Variants in SLC18A2 observed in about 807,000 individuals in gnomAD.
The protein encoded by SLC18A2 is solute carrier family 18 member A2.
Under a neutral mutation model 59.2 loss-of-function variants are expected in SLC18A2, and 33 were observed. The ratio of observed to expected loss-of-function variants is 0.56; its 90% CI spans 0.42 to 0.75. The LOEUF (loss-of-function observed/expected upper bound fraction) is 0.75. Ranked by LOEUF, SLC18A2 falls within the 30% of genes least tolerant of loss-of-function variation. The probability of loss-of-function intolerance (pLI) is 0.00; values close to 1 mark genes in which losing one functional copy is unlikely to be tolerated. For synonymous variants in SLC18A2, 228 were observed against 253.5 expected, an observed-to-expected ratio of 0.90 and a Z score of 0.95; for missense variants, 569 against 668.6, an observed-to-expected ratio of 0.85 and a Z score of 1.64.
chr10:117,263,037 A>G (rs1589982824), intron 10 of SLC18A2, among the ~76,000 whole-genome samples: 1 of 152,176 alleles, frequency 6.6e-6, no homozygotes, highest in African/African-American at 2.4e-5. Context: ...GGGGCCTATC[A>G]CCGGCGCCAG....
Position 117,244,255 on chromosome 10 carries a change from G to T in SLC18A2, c.406G>T (p.Ala136Ser), listed in dbSNP as rs1844086968. ...AAACGTGCAAGTTGGTCTGTTGTTT[G>T]CCTCGAAAGCCACCGTCCAGCTCAT... The part of the protein sequence containing the change: ...NENVQVGLLF[A>S]SKATVQLITN... Residue 136 changes from alanine (A) to serine (S), a missense_variant, in exon 3 of 16, where the codon GCC becomes TCC. By Grantham distance (99) the Ala-to-Ser change is moderately conservative. Coordinates refer to ENST00000644641, the MANE Select transcript of SLC18A2 (RefSeq NM_003054.6). The T allele has an allele frequency of 3.1e-6, 5 of 1,614,228 alleles. No individual in the cohort carries two copies. The highest frequency in any genetic ancestry group is 3.3e-4 in the Middle Eastern group (2 of 6,060).
At chr10:117,273,962 T>A (rs1844455620) in intron 15 of SLC18A2, among the ~76,000 whole-genome samples, 1 of 152,254 alleles carries the variant, frequency 6.6e-6, no homozygotes, top group Admixed American at 6.5e-5. Flanking sequence ...CCTCTCCTAT[T>A]GATTTTCTCT....
Position 117,241,752 on chromosome 10 carries a change from A to G in SLC18A2, c.59A>G (p.Lys20Arg). ...RWLQESRRSRKLILFIVFLAL... is the reference protein window; with the variant it reads ...RWLQESRRSRRLILFIVFLAL... ...CTGCAGGAGAGCCGCCGCTCGCGGAAGCTCATCCTGTTCATCGTGTTCCTG... is the reference window on the plus strand; with the variant it reads ...CTGCAGGAGAGCCGCCGCTCGCGGAGGCTCATCCTGTTCATCGTGTTCCTG... The change falls in exon 2 of 16, where the codon AAG becomes AGG. Residue 20 changes from lysine to arginine, a missense_variant. Physicochemically the swap from Lys to Arg is conservative, Grantham distance 26. Coordinates refer to ENST00000644641, the MANE Select transcript of SLC18A2 (RefSeq NM_003054.6). The G allele has an allele frequency of 6.2e-7, 1 of 1,611,152 alleles. No individual in the cohort carries two copies. Among genetic ancestry groups the G allele is most frequent in the South Asian group, 1.1e-5 (1 of 90,904 alleles).
intron 15 of SLC18A2, among the ~76,000 whole-genome samples, chr10:117,276,613 C>CAAAAAAAAAAAAAA (rs1161850365): frequency 4.3e-5 from 2 of 46,688 alleles, no homozygotes; most frequent in Admixed American, 3.0e-4. Context: ...GACTTCATCT[C>CAAAAAAAAAAAAAA]AAAAAAAAAA....
At chr10:117,263,159 C>T (rs541559621) in intron 10 of SLC18A2, among the ~76,000 whole-genome samples, 4 of 152,200 alleles carry the variant, frequency 2.6e-5, no homozygotes, top group African/African-American at 2.4e-5. Context: ...CTACCTGCCT[C>T]CTGTGTCAGC....
chr10:117,247,137 A>G (rs1427340142), intron 3 of SLC18A2, among the ~76,000 whole-genome samples: 2 of 152,212 alleles, frequency 1.3e-5, no homozygotes, highest in East Asian at 3.9e-4. Context: ...AATTGTCTTC[A>G]AGGAGTTAAC....
intron 4 of SLC18A2, 39 bp downstream of exon 4, chr10:117,253,496 T>C (rs1362457657): frequency 2.1e-6 from 3 of 1,449,184 alleles, no homozygotes; most frequent in Non-Finnish European, 2.8e-6. Context: ...GTGGGTCTCA[T>C]CAGGGTGGGC....
chr10:117,261,225 A>AAAACAAAACAAAAC (rs71301596), intron 10 of SLC18A2, among the ~76,000 whole-genome samples: 13,499 of 150,870 alleles, frequency 0.089, 800 homozygotes, highest in Non-Finnish European at 0.13. Context: ...CAAAACAAAA[A>AAAACAAAACAAAAC]ACCCAAAAAC....
Position 117,273,602 on chromosome 10 carries a change from A to G in SLC18A2, c.1440+3139A>G, listed in dbSNP as rs141763061. ...GATGGGGTGGCCCGAGGCTGCTGAG[A>G]TAGACCACATTCTGCATATTCTAAG... On this transcript the variant is annotated intron_variant, in intron 15 of 15. Coordinates refer to ENST00000644641, the MANE Select transcript of SLC18A2 (RefSeq NM_003054.6). Among the ~76,000 whole-genome samples, 446 of 152,286 alleles carry G rather than the reference A, an allele frequency of 2.9e-3. 3 individuals are homozygous for G. Among genetic ancestry groups the G allele is most frequent in the African/African-American group, 0.01 (419 of 41,566 alleles).
At chr10:117,276,751 G>A (rs1183687734) in intron 15 of SLC18A2, among the ~76,000 whole-genome samples, 1 of 151,986 alleles carries the variant, frequency 6.6e-6, no homozygotes, top group Admixed American at 6.6e-5. Context: ...TCTCATTAAG[G>A]AGAGAGCACA....
chr10:117,276,752 A>G (rs1014789809), intron 15 of SLC18A2, among the ~76,000 whole-genome samples: 2 of 151,932 alleles, frequency 1.3e-5, no homozygotes, highest in African/African-American at 4.8e-5. Context: ...CTCATTAAGG[A>G]GAGAGCACAT....
At chr10:117,241,589 G>A (rs1344980508) in intron 1 of SLC18A2, 90 bp from the exon 2 acceptor site, 36 of 1,329,576 alleles carry the variant, frequency 2.7e-5, no homozygotes, top group South Asian at 5.0e-5. Flanking sequence ...GGTGCGCGCG[G>A]CTCCCTGACC....
intron 9 of SLC18A2, among the ~76,000 whole-genome samples, chr10:117,256,892 C>G (rs547712835): frequency 1.3e-5 from 2 of 152,162 alleles, no homozygotes; most frequent in Admixed American, 6.5e-5. Flanking sequence ...TTCCCTGGAA[C>G]CTCACTGCCT....
At chr10:117,257,744 T>C in intron 9 of SLC18A2, 53 bp from the exon 10 acceptor site, 1 of 1,236,690 alleles carries the variant, frequency 8.1e-7, no homozygotes, top group Non-Finnish European at 1.1e-6. Flanking sequence ...TAACTGTGCC[T>C]GGAAATGAGA....
chr10:117,261,697 G>A (rs1189296308), intron 10 of SLC18A2, among the ~76,000 whole-genome samples: 1 of 152,128 alleles, frequency 6.6e-6, no homozygotes, highest in Admixed American at 6.5e-5. Flanking sequence ...CAGTGTCTTT[G>A]GAATCTGCAG....
chr10:117,253,759 T>G (rs900795657), intron 4 of SLC18A2, among the ~76,000 whole-genome samples: 4 of 152,032 alleles, frequency 2.6e-5, no homozygotes, highest in African/African-American at 9.7e-5. Context: ...GGCAGGAGAA[T>G]CACTTGAACC....
In SLC18A2 at chr10:117,254,033, C is replaced by A; in HGVS notation, c.524-15C>A. The A allele has an allele frequency of 1.2e-6, 2 of 1,612,226 alleles. No homozygotes were observed. The highest frequency in any genetic ancestry group is 2.7e-5 in the African/African-American group (2 of 75,036). On this transcript the variant is annotated splice_polypyrimidine_tract_variant and intron_variant, in intron 4 of 15. Coordinates refer to ENST00000644641, the MANE Select transcript of SLC18A2 (RefSeq NM_003054.6). ...GCAGCACTGATGTGCGGTCTTGGAC[C>A]CCCTCTCTCGGCAGTGTTTGCCTTC...
chr10:117,268,058 G>A lies in SLC18A2; in HGVS notation c.1186+322G>A, dbSNP rs1387392343. ...TTTTGTGGACTCCTCCCTATGAGCAGGTCTTCTCATGAGGCTGGGGGCAAA... is the reference window on the plus strand; with the variant it reads ...TTTTGTGGACTCCTCCCTATGAGCAAGTCTTCTCATGAGGCTGGGGGCAAA... On this transcript the variant is annotated intron_variant, in intron 13 of 15. Coordinates refer to ENST00000644641, the MANE Select transcript of SLC18A2 (RefSeq NM_003054.6). The A allele has an allele frequency of 1.2e-5, 3 of 260,304 alleles. No homozygotes were observed. The East Asian group carries it at 1.9e-4, about 17-fold the overall frequency. 16.1% of individuals were successfully genotyped at this position (260,304 alleles called of 1,614,324 possible).
chr10:117,262,226 C>T (rs2015586), intron 10 of SLC18A2, among the ~76,000 whole-genome samples: 85,840 of 149,248 alleles, frequency 0.58, 24,385 homozygotes, highest in Non-Finnish European at 0.6. Context: ...TTTTAAACCA[C>T]GTGAATTGTG....
Sources: allele counts gnomAD v4.1 joint callset (sites outside exome capture counted in the v4.1 genomes callset), GRCh38; gene constraint gnomAD v4.1.1; transcripts MANE v1.5; gene names NCBI Gene and HGNC (gene_info 2026-07-23, HGNC 2026-07-21).